HEMK2: variants seen among roughly 807,000 people sequenced by gnomAD.
The protein encoded by HEMK2 is HemK methyltransferase 2, ETF1 glutamine and histone H4 lysine.
At chr21:28,684,973 G>A in the HEMK2 span, among the ~76,000 whole-genome samples, 1 of 152,192 alleles carries the variant, frequency 6.6e-6, no homozygotes, top group African/African-American at 2.4e-5. Flanking sequence ...TATTGCAATA[G>A]GGAAATGAGT....
the HEMK2 span, among the ~76,000 whole-genome samples, chr21:28,841,954 T>C: frequency 6.6e-6 from 1 of 152,232 alleles, no homozygotes; most frequent in African/African-American, 2.4e-5. Context: ...TCTTGGAAGC[T>C]TGAGGCTGCT....
At chr21:28,808,696 T>A in the HEMK2 span, among the ~76,000 whole-genome samples, 2 of 152,080 alleles carry the variant, frequency 1.3e-5, no homozygotes, top group East Asian at 3.8e-4. Context: ...TGAAATAAAA[T>A]TGATCTTTTA....
the HEMK2 span, among the ~76,000 whole-genome samples, chr21:28,739,397 C>T: frequency 6.6e-6 from 1 of 152,092 alleles, no homozygotes; most frequent in Admixed American, 6.5e-5. Flanking sequence ...TGTTTAATTA[C>T]ATTAGAAGGA....
the HEMK2 span, among the ~76,000 whole-genome samples, chr21:28,790,383 C>T: frequency 6.6e-6 from 1 of 152,116 alleles, no homozygotes; most frequent in Admixed American, 6.5e-5. Flanking sequence ...GAATTTAAAT[C>T]CGTGAAACCT....
the HEMK2 span, among the ~76,000 whole-genome samples, chr21:28,604,677 C>G: frequency 6.6e-6 from 1 of 152,214 alleles, no homozygotes; most frequent in Admixed American, 6.5e-5. Flanking sequence ...ATGACTTAAC[C>G]TGAGACCATA....
the HEMK2 span, among the ~76,000 whole-genome samples, chr21:28,742,733 A>ACAGTCATGT: frequency 6.6e-6 from 1 of 152,162 alleles, no homozygotes; most frequent in Non-Finnish European, 1.5e-5. Flanking sequence ...TTGTTCTAAA[A>ACAGTCATGT]CAGTCATGTG....
the HEMK2 span, among the ~76,000 whole-genome samples, chr21:28,859,467 GTTAT>G: frequency 6.6e-6 from 1 of 152,178 alleles, no homozygotes; most frequent in African/African-American, 2.4e-5. Context: ...TATCTACTGA[GTTAT>G]TTGAGAAATC....
the HEMK2 span, among the ~76,000 whole-genome samples, chr21:28,776,203 G>T: frequency 1.3e-5 from 2 of 152,200 alleles, no homozygotes; most frequent in African/African-American, 4.8e-5. Context: ...AGGGTAAGCA[G>T]CCCTAATTAG....
chr21:28,782,102 C>T, the HEMK2 span, among the ~76,000 whole-genome samples: 5 of 152,210 alleles, frequency 3.3e-5, no homozygotes, highest in Admixed American at 3.3e-4. Context: ...GCATGAATCA[C>T]ATTCTAGCCA....
the HEMK2 span, among the ~76,000 whole-genome samples, chr21:28,787,104 A>G: frequency 6.6e-6 from 1 of 152,204 alleles, no homozygotes; most frequent in African/African-American, 2.4e-5. Flanking sequence ...CAAAATCATA[A>G]AGTGGGGAAA....
At chr21:28,877,005 G>GAGGAAGGAAGGAAGGA in the HEMK2 span, among the ~76,000 whole-genome samples, 1 of 34,526 alleles carries the variant, frequency 2.9e-5, no homozygotes, top group Non-Finnish European at 5.6e-5. Context: ...GGGAGGGAGG[G>GAGGAAGGAAGGAAGGA]AGGAAGGAAG....
the HEMK2 span, among the ~76,000 whole-genome samples, chr21:28,834,969 C>T: frequency 6.6e-6 from 1 of 152,070 alleles, no homozygotes; most frequent in African/African-American, 2.4e-5. Context: ...CACCCCCATC[C>T]CCCACAGTAG....
chr21:28,857,359 A>T, the HEMK2 span, among the ~76,000 whole-genome samples: 1 of 152,304 alleles, frequency 6.6e-6, no homozygotes, highest in African/African-American at 2.4e-5. Flanking sequence ...TAAATGTTCA[A>T]TGAACATATA....
chr21:28,821,723 T>C, the HEMK2 span, among the ~76,000 whole-genome samples: 2 of 152,176 alleles, frequency 1.3e-5, no homozygotes, highest in Non-Finnish European at 2.9e-5. Context: ...CAATCGCTAA[T>C]AATAAAAACA....
the HEMK2 span, among the ~76,000 whole-genome samples, chr21:28,815,292 A>G: frequency 6.6e-6 from 1 of 151,790 alleles, no homozygotes; most frequent in Non-Finnish European, 1.5e-5. Context: ...ATGACGAGTT[A>G]ATGGGTGCAG....
the HEMK2 span, among the ~76,000 whole-genome samples, chr21:28,625,549 G>A: frequency 1.5e-4 from 23 of 151,868 alleles, no homozygotes; most frequent in African/African-American, 4.8e-4. Context: ...GTGAAACCCC[G>A]TCTGTACTAA....
the HEMK2 span, among the ~76,000 whole-genome samples, chr21:28,660,954 G>A: frequency 1.3e-5 from 2 of 151,960 alleles, no homozygotes; most frequent in Admixed American, 6.6e-5. Flanking sequence ...CTTTTTTAAG[G>A]CCAGTTTGGT....
the HEMK2 span, among the ~76,000 whole-genome samples, chr21:28,881,044 C>T: frequency 1.3e-5 from 2 of 151,206 alleles, no homozygotes; most frequent in Non-Finnish European, 1.5e-5. Flanking sequence ...CTGGTGCATG[C>T]TATTATTATT....
chr21:28,646,937 T>G, the HEMK2 span, among the ~76,000 whole-genome samples: 1 of 152,090 alleles, frequency 6.6e-6, no homozygotes. Flanking sequence ...CTTGGGCCAA[T>G]CCAAATCCAA....
Sources: gnomAD v4.1 joint callset for allele counts (sites outside exome capture counted in the v4.1 genomes callset) on GRCh38, gnomAD v4.1.1 for gene constraint, MANE v1.5 for transcripts, NCBI Gene and HGNC (gene_info 2026-07-23, HGNC 2026-07-21) for gene names.